LIMA1: variants seen among roughly 807,000 people sequenced by gnomAD.
LIMA1 encodes LIM domain and actin-binding protein 1.
In LIMA1, 52 loss-of-function variants were observed where a neutral mutation model predicts 62.6. The ratio of observed to expected loss-of-function variants is 0.83; its 90% CI spans 0.67 to 1.05. The LOEUF is 1.05. Among genes scored for constraint, LIMA1 ranks in the 50% least tolerant of loss-of-function variants. LIMA1 has a pLI of 0.00. For missense variants in LIMA1, 780 were observed against 902.2 expected (o/e 0.86, Z 1.74); for synonymous variants, 302 against 317.8 (o/e 0.95, Z 0.53).
In LIMA1 at chr12:50,208,992, C is replaced by CTT. The variant is rs34753640; in HGVS notation, c.631-2926_631-2925dup. On this transcript the variant is annotated intron_variant, in intron 4 of 10. Transcript: ENST00000341247. ...ATTTAAGTCTATTTTTTCTTTCTTT[C>CTT]TTTTTTTTTTTTTTTTACAGTAGAG... Among the ~76,000 whole-genome samples, 249 of 136,268 alleles carry CTT rather than the reference C, an allele frequency of 1.8e-3. 1 individual carries two copies. Among genetic ancestry groups the CTT allele is most frequent in the Middle Eastern group, 0.011 (3 of 262 alleles). The allele number at this position is 136,268 out of a possible 152,430, so 89.4% of individuals were successfully genotyped here.
At chr12:50,183,403 G>A (rs1940550125) in intron 9 of LIMA1, among the ~76,000 whole-genome samples, 1 of 152,056 alleles carries the variant, frequency 6.6e-6, no homozygotes, top group South Asian at 2.1e-4. Flanking sequence ...ATCAGCCTGG[G>A]CTCTCACCAG....
At position 50,254,738 on chromosome 12, in the gene LIMA1, CA is replaced by C. The variant is rs1941971516; in HGVS notation, c.-23-5965del. 3.3e-5 allele frequency among the ~76,000 whole-genome samples: 5 copies of C among 152,222 alleles called. No individual in the cohort carries two copies. In the South Asian group the frequency reaches 1.0e-3, roughly 32 times the overall value. On this transcript the variant is annotated intron_variant, in intron 1 of 10. Coordinates refer to ENST00000341247, the MANE Select transcript of LIMA1 (RefSeq NM_016357.5). ...AAATTCATTTACAGACTCTCCTGAC[CA>C]AGGAAACTGTCTCTCAGAAACCAGG...
At chr12:50,235,273 CTTTTTT>C (rs1036341264) in intron 2 of LIMA1, among the ~76,000 whole-genome samples, 2 of 124,370 alleles carry the variant, frequency 1.6e-5, no homozygotes, top group Admixed American at 8.2e-5. Context: ...AATCCTATCA[CTTTTTT>C]TTTTTTTTTT....
intron 4 of LIMA1, among the ~76,000 whole-genome samples, chr12:50,210,918 G>C (rs1031747803): frequency 1.4e-4 from 22 of 152,198 alleles, no homozygotes; most frequent in African/African-American, 5.1e-4. Flanking sequence ...CTGTGGCTCT[G>C]AGGAGAAACA....
intron 3 of LIMA1, among the ~76,000 whole-genome samples, chr12:50,226,231 A>G (rs543944277): frequency 6.6e-6 from 1 of 151,866 alleles, no homozygotes; most frequent in South Asian, 2.1e-4. Context: ...AAATTTTTAT[A>G]GAGAGGGTTC....
chr12:50,218,488 T>C (rs1389487184), intron 4 of LIMA1: 1 of 152,282 alleles, frequency 6.6e-6, no homozygotes, highest in African/African-American at 2.4e-5. Flanking sequence ...CTCAAGGCTA[T>C]GGGCTCCACA....
intron 3 of LIMA1, 168 bp from the exon 4 acceptor site, chr12:50,222,653 G>C: frequency 6.5e-7 from 1 of 1,527,014 alleles, no homozygotes; most frequent in Non-Finnish European, 8.8e-7. Context: ...CATCCACCCG[G>C]CAGAGGGAGA....
At position 50,193,666 on chromosome 12, in the gene LIMA1, A is replaced by ATTT. The variant is rs1166489086; in HGVS notation, c.1031-1108_1031-1106dup. ...TGTGTGTGTGTATATATATATATAT[A>ATTT]TTTTTTTTTTTTTTTTTTTTCAGAG... On this transcript the variant is annotated intron_variant, in intron 8 of 10. Transcript: ENST00000341247. 2.8e-4 allele frequency among the ~76,000 whole-genome samples: 17 copies of ATTT among 60,008 alleles called. 1 individual carries two copies. The highest frequency in any genetic ancestry group is 6.7e-4 in the African/African-American group (9 of 13,394). The allele number at this position is 60,008 out of a possible 152,430, so 39.4% of individuals were successfully genotyped here. A position where few individuals can be genotyped will look rare whatever the true frequency, so the allele number is the denominator to read the frequency against.
intron 1 of LIMA1, among the ~76,000 whole-genome samples, chr12:50,261,852 T>C (rs116539721): frequency 0.021 from 3,205 of 152,238 alleles, 111 homozygotes; most frequent in African/African-American, 0.073. Context: ...TTTTTTAAAA[T>C]CACACTGTAT....
rs1050949224 is a variant in LIMA1 at position 50,185,261 on chromosome 12, G to C, written c.1141-3224C>G. On this transcript the variant is annotated intron_variant, in intron 9 of 10. Coordinates refer to ENST00000341247, the MANE Select transcript of LIMA1 (RefSeq NM_016357.5). ...AGATGGATACTGTTCTGCTAAAGGG[G>C]AACTGAAGGACGCAGAGCACTCCTC... The C allele has an allele frequency of 2.2e-5, 9 of 411,948 alleles. No homozygotes were observed. In the East Asian group the frequency reaches 6.4e-4, roughly 29 times the overall value. 25.5% of individuals were successfully genotyped at this position (411,948 alleles called of 1,614,324 possible). A position where few individuals can be genotyped will look rare whatever the true frequency, so the allele number is the denominator to read the frequency against.
chr12:50,266,445 C>G (rs1250470109), intron 1 of LIMA1, among the ~76,000 whole-genome samples: 1 of 152,234 alleles, frequency 6.6e-6, no homozygotes, highest in Non-Finnish European at 1.5e-5. Flanking sequence ...CTTCCCACCT[C>G]AGGGCATACA....
At chr12:50,277,710 C>T (rs749151669) in intron 1 of LIMA1, among the ~76,000 whole-genome samples, 15 of 152,196 alleles carry the variant, frequency 9.9e-5, no homozygotes, top group Non-Finnish European at 2.2e-4. Flanking sequence ...CACCACAATT[C>T]CAACTTCTGT....
intron 2 of LIMA1, among the ~76,000 whole-genome samples, chr12:50,243,786 A>G (rs1299328010): frequency 6.6e-6 from 1 of 152,250 alleles, no homozygotes; most frequent in Non-Finnish European, 1.5e-5. Flanking sequence ...AATATGTGAC[A>G]GGAACAAACT....
Position 50,236,599 on chromosome 12 carries a change from G to A in LIMA1, c.120-4889C>T, listed in dbSNP as rs369685705. Among the ~76,000 whole-genome samples, 24 of 151,068 alleles carry A rather than the reference G, an allele frequency of 1.6e-4. No homozygotes were observed. The South Asian group carries it at 2.4e-3, about 15-fold the overall frequency. On this transcript the variant is annotated intron_variant, in intron 2 of 10. Coordinates refer to ENST00000341247, the MANE Select transcript of LIMA1 (RefSeq NM_016357.5). Reference sequence around the variant, plus strand: ...CAGGCGTGAGCCACCGCACCCGGCCGGAAAAGATTTTCTTAAAAAGCTAAT... The same window carrying A: ...CAGGCGTGAGCCACCGCACCCGGCCAGAAAAGATTTTCTTAAAAAGCTAAT...
At chr12:50,214,051 C>CAT (rs55904917) in intron 4 of LIMA1, among the ~76,000 whole-genome samples, 13 of 149,976 alleles carry the variant, frequency 8.7e-5, no homozygotes, top group Middle Eastern at 6.8e-3. Context: ...CACACACACA[C>CAT]GAGATTACTC....
chr12:50,189,470 T>C (rs1940703314), intron 9 of LIMA1: 1 of 152,140 alleles, frequency 6.6e-6, no homozygotes, highest in South Asian at 2.1e-4. Context: ...TTCTCTCAAA[T>C]GCTAAAACTT....
intron 9 of LIMA1, chr12:50,188,304 T>C (rs939709250): frequency 6.6e-6 from 1 of 152,226 alleles, no homozygotes; most frequent in Non-Finnish European, 1.5e-5. Flanking sequence ...CTTCTGTTCA[T>C]AGTCTGCAGC....
In LIMA1 at chr12:50,261,042, A is replaced by ATTTTTTTTTTTTTTTT. The variant is rs71083524; in HGVS notation, c.-23-12284_-23-12269dup. Among the ~76,000 whole-genome samples, 72 of 54,296 alleles carry ATTTTTTTTTTTTTTTT rather than the reference A, an allele frequency of 1.3e-3. 16 individuals carry two copies. Among genetic ancestry groups the ATTTTTTTTTTTTTTTT allele is most frequent in the East Asian group, 0.01 (9 of 878 alleles). 35.6% of individuals were successfully genotyped at this position (54,296 alleles called of 152,430 possible). On this transcript the variant is annotated intron_variant, in intron 1 of 10. Coordinates refer to ENST00000341247, the MANE Select transcript of LIMA1 (RefSeq NM_016357.5). ...CTTTTGCTTTTCTGCCATCTAGTAT[A>ATTTTTTTTTTTTTTTT]TTTTTTTTTTTTTTTTTTTTTTTTT... is the stretch of plus-strand genomic sequence containing the variant.
At chr12:50,182,059 C>T in intron 9 of LIMA1, 22 bp from the exon 10 acceptor site, 1 of 1,612,100 alleles carries the variant, frequency 6.2e-7, no homozygotes, top group Non-Finnish European at 8.5e-7. Context: ...AAAAAGACAA[C>T]TTTAGCATGG....
Sources: allele counts gnomAD v4.1 joint callset (sites outside exome capture counted in the v4.1 genomes callset), GRCh38; gene constraint gnomAD v4.1.1; transcripts MANE v1.5; gene names NCBI Gene and HGNC (gene_info 2026-07-23, HGNC 2026-07-21).